Variants in PIP5K1B observed in about 807,000 individuals in gnomAD.
PIP5K1B encodes phosphatidylinositol 4-phosphate 5-kinase type-1 beta.
In PIP5K1B, 42 loss-of-function variants were observed where a neutral mutation model predicts 67.0. That is an observed-to-expected ratio of 0.63 (90% CI 0.49 to 0.81). The LOEUF (loss-of-function observed/expected upper bound fraction) is 0.81. PIP5K1B is among the 30% of genes least tolerant of loss of function. The probability of loss-of-function intolerance (pLI) is 0.00; values close to 1 mark genes in which losing one functional copy is unlikely to be tolerated. For missense variants in PIP5K1B, 459 were observed against 646.3 expected, an observed-to-expected ratio of 0.71 and a Z score of 3.14; for synonymous variants, 214 against 231.4, an observed-to-expected ratio of 0.92 and a Z score of 0.68.
intron 2 of PIP5K1B, among the ~76,000 whole-genome samples, chr9:68,803,864 G>C (rs939730875): frequency 6.6e-6 from 1 of 152,220 alleles, no homozygotes; most frequent in Non-Finnish European, 1.5e-5. Flanking sequence ...CAGTGAAGGA[G>C]GACTGGTCAT....
At chr9:68,935,739 C>T (rs1827232551) in intron 13 of PIP5K1B, 1 of 152,168 alleles carries the variant, frequency 6.6e-6, no homozygotes, top group South Asian at 2.1e-4. Context: ...GTTGTCTCTT[C>T]ATTTAGGTCT....
chr9:68,928,255 T>G (rs1301687756), intron 12 of PIP5K1B, among the ~76,000 whole-genome samples: 1 of 152,204 alleles, frequency 6.6e-6, no homozygotes, highest in Non-Finnish European at 1.5e-5. Context: ...TCAGCTACTC[T>G]TTTTCATACT....
chr9:68,780,021 C>T (rs984270753), intron 2 of PIP5K1B: 1 of 1,139,516 alleles, frequency 8.8e-7, no homozygotes, highest in African/African-American at 1.6e-5. Context: ...TCGCGAGCGC[C>T]TGCGCGAAGG....
intron 1 of PIP5K1B, among the ~76,000 whole-genome samples, chr9:68,718,921 G>T (rs1220245731): frequency 6.6e-6 from 1 of 152,042 alleles, no homozygotes; most frequent in African/African-American, 2.4e-5. Flanking sequence ...TGTGATTTTG[G>T]GAACCAGATA....
intron 2 of PIP5K1B, chr9:68,784,506 C>CACATTTATT (rs1831496797): frequency 1.2e-5 from 2 of 166,470 alleles, no homozygotes; most frequent in African/African-American, 4.8e-5. Flanking sequence ...GATTGCCTTC[C>CACATTTATT]AGTGATTCAC....
Position 68,831,229 on chromosome 9 carries a change from A to G in PIP5K1B, c.69+8546A>G, listed in dbSNP as rs575902104. Reference sequence around the variant, plus strand: ...ATATATTGAGTTTATTTTAACCAGAAGCCTACTAATTCAGTGAATTGAAGC... The same window carrying G: ...ATATATTGAGTTTATTTTAACCAGAGGCCTACTAATTCAGTGAATTGAAGC... On this transcript the variant is annotated intron_variant, in intron 4 of 15. Coordinates refer to ENST00000265382, the MANE Select transcript of PIP5K1B (RefSeq NM_003558.4). Among the ~76,000 whole-genome samples the G allele has an allele frequency of 1.2e-3, 187 of 152,358 alleles. No homozygotes were observed. In the Middle Eastern group the frequency reaches 0.017, roughly 14 times the overall value.
intron 2 of PIP5K1B, among the ~76,000 whole-genome samples, chr9:68,756,824 C>T (rs954138388): frequency 2.0e-5 from 3 of 152,184 alleles, no homozygotes; most frequent in Non-Finnish European, 4.4e-5. Flanking sequence ...ATAGTATGCA[C>T]ATTTAAAAAG....
intron 15 of PIP5K1B, among the ~76,000 whole-genome samples, chr9:68,996,596 T>C (rs1249330027): frequency 6.6e-6 from 1 of 152,234 alleles, no homozygotes; most frequent in African/African-American, 2.4e-5. Context: ...AGATTCTACT[T>C]TGTAAATAGT....
At chr9:68,861,826 C>T (rs191579814) in intron 4 of PIP5K1B, among the ~76,000 whole-genome samples, 45 of 151,822 alleles carry the variant, frequency 3.0e-4, no homozygotes, top group Middle Eastern at 3.4e-3. Flanking sequence ...AGGTCACTGA[C>T]GCCAAATGGT....
intron 4 of PIP5K1B, among the ~76,000 whole-genome samples, chr9:68,849,374 C>A (rs185173579): frequency 2.0e-3 from 306 of 152,162 alleles, no homozygotes; most frequent in African/African-American, 7.0e-3. Flanking sequence ...AGTACAGTCT[C>A]ATTTTAATTT....
intron 14 of PIP5K1B, among the ~76,000 whole-genome samples, chr9:68,978,893 C>T (rs79562524): frequency 0.017 from 2,645 of 152,202 alleles, 41 homozygotes; most frequent in Non-Finnish European, 0.023. Context: ...TTCGTTTTTT[C>T]CTGGAAGCTT....
chr9:68,769,478 G>A (rs529851576), intron 2 of PIP5K1B, among the ~76,000 whole-genome samples: 1 of 152,212 alleles, frequency 6.6e-6, no homozygotes, highest in African/African-American at 2.4e-5. Flanking sequence ...ATGTTTTTAT[G>A]TTGTTAATGG....
intron 1 of PIP5K1B, among the ~76,000 whole-genome samples, chr9:68,730,018 TAAAC>T (rs1466837091): frequency 2.6e-5 from 4 of 152,102 alleles, no homozygotes; most frequent in East Asian, 3.8e-4. Context: ...GGGAAATGAT[TAAAC>T]AAACCATAAT....
intron 14 of PIP5K1B, among the ~76,000 whole-genome samples, chr9:68,958,588 C>G (rs1334273286): frequency 6.6e-6 from 1 of 152,114 alleles, no homozygotes; most frequent in Non-Finnish European, 1.5e-5. Context: ...TTTTGTAGCT[C>G]TTGAGTTATA....
chr9:68,919,654 C>G, intron 10 of PIP5K1B, 27 bp from the exon 11 acceptor site: 1 of 1,472,876 alleles, frequency 6.8e-7, no homozygotes, highest in Non-Finnish European at 9.5e-7. Context: ...TTTACATTCT[C>G]ATTTCAATTT....
chr9:68,830,608 C>T (rs970871704), intron 4 of PIP5K1B, among the ~76,000 whole-genome samples: 6 of 152,142 alleles, frequency 3.9e-5, no homozygotes, highest in Admixed American at 2.0e-4. Context: ...TACCAATAAA[C>T]GTCACATTGC....
rs71353081 is a variant in PIP5K1B at position 68,754,175 on chromosome 9, C to CTTTTTTTTT, written c.-86+11522_-86+11530dup. On this transcript the variant is annotated intron_variant, in intron 2 of 15. Transcript: ENST00000265382. Reference sequence around the variant, plus strand: ...AGTCTTCTTTTATGTTCCATGATTTCTTTTTTTTTTTTGAGACAGAGTCTC... The same window carrying CTTTTTTTTT: ...AGTCTTCTTTTATGTTCCATGATTTCTTTTTTTTTTTTTTTTTTTTTGAGACAGAGTCTC... Among the ~76,000 whole-genome samples the CTTTTTTTTT allele has an allele frequency of 2.8e-4, 28 of 101,070 alleles. 6 individuals carry two copies. The highest frequency in any genetic ancestry group is 1.1e-3 in the African/African-American group (27 of 24,406). 66.3% of individuals were successfully genotyped at this position (101,070 alleles called of 152,430 possible).
chr9:68,852,566 C>G (rs879856470), intron 4 of PIP5K1B, among the ~76,000 whole-genome samples: 3 of 152,180 alleles, frequency 2.0e-5, no homozygotes, highest in Non-Finnish European at 4.4e-5. Context: ...TGGCCAAACC[C>G]AACTAGAAGC....
rs543193923 is a variant in PIP5K1B at position 68,911,440 on chromosome 9, G to T, written c.772-6108G>T. On this transcript the variant is annotated intron_variant, in intron 8 of 15. Transcript: ENST00000265382. ...TTCATTATCATTAGAGAGAAGGAAC[G>T]TTTTGATAATAGAAGCTGCAGGATT... is the stretch of plus-strand genomic sequence containing the variant. Among the ~76,000 whole-genome samples, 411 of 151,842 alleles carry T rather than the reference G, an allele frequency of 2.7e-3. 1 individual carries two copies. The highest frequency in any genetic ancestry group is 9.1e-3 in the African/African-American group (376 of 41,398).
Sources: allele counts gnomAD v4.1 joint callset (sites outside exome capture counted in the v4.1 genomes callset), GRCh38; gene constraint gnomAD v4.1.1; transcripts MANE v1.5; gene names NCBI Gene and HGNC (gene_info 2026-07-23, HGNC 2026-07-21).